SPAG16: variants seen among roughly 807,000 people sequenced by gnomAD.
The protein encoded by SPAG16 is sperm-associated antigen 16 protein.
Under a neutral mutation model 80.4 loss-of-function variants are expected in SPAG16, and 86 were observed. The observed-to-expected ratio is 1.07, with a 90% CI of 0.90 to 1.28. SPAG16 has a LOEUF of 1.28. Ranked by LOEUF, SPAG16 falls within the 50% of genes most tolerant of loss-of-function variation. The pLI is 0.00. For synonymous variants in SPAG16, 294 were observed against 265.9 expected (o/e 1.11, Z -1.03); for missense variants, 870 against 765.3 (o/e 1.14, Z -1.61).
intron 15 of SPAG16, among the ~76,000 whole-genome samples, chr2:214,179,677 G>A (rs2057247357): frequency 6.6e-6 from 1 of 151,508 alleles, no homozygotes. Flanking sequence ...AGATATGAAT[G>A]TGCTTAGATA....
intron 12 of SPAG16, among the ~76,000 whole-genome samples, chr2:213,976,335 C>CAT (rs60963174): frequency 0.076 from 11,356 of 150,186 alleles, 838 homozygotes; most frequent in African/African-American, 0.19. Context: ...CATGTGTGCA[C>CAT]ATATATATAT....
At chr2:214,282,638 T>C (rs948609091) in intron 15 of SPAG16, among the ~76,000 whole-genome samples, 1 of 152,184 alleles carries the variant, frequency 6.6e-6, no homozygotes, top group East Asian at 1.9e-4. Flanking sequence ...TAATTTTTGA[T>C]TAATTTTTTT....
At chr2:213,423,042 A>C (rs181552676) in intron 9 of SPAG16, among the ~76,000 whole-genome samples, 3 of 152,136 alleles carry the variant, frequency 2.0e-5, no homozygotes, top group Admixed American at 6.5e-5. Flanking sequence ...TTATTGACTT[A>C]TTTTCTCACA....
chr2:214,129,712 C>A (rs763439025), intron 14 of SPAG16, among the ~76,000 whole-genome samples: 5 of 152,028 alleles, frequency 3.3e-5, no homozygotes, highest in Admixed American at 1.3e-4. Context: ...TTTCTCAAGA[C>A]TTTACTTTTC....
At chr2:213,956,564 C>T (rs1168861209) in intron 12 of SPAG16, among the ~76,000 whole-genome samples, 3 of 151,418 alleles carry the variant, frequency 2.0e-5, no homozygotes, top group African/African-American at 7.3e-5. Flanking sequence ...TCTCCTGCCT[C>T]AGCCTCCCGA....
intron 9 of SPAG16, among the ~76,000 whole-genome samples, chr2:213,426,309 T>C (rs949454397): frequency 2.0e-5 from 3 of 152,022 alleles, no homozygotes; most frequent in African/African-American, 7.2e-5. Flanking sequence ...TTCTTACTTT[T>C]TGGATTTTTT....
chr2:213,761,130 A>G (rs1313839252), intron 10 of SPAG16, among the ~76,000 whole-genome samples: 1 of 152,260 alleles, frequency 6.6e-6, no homozygotes, highest in African/African-American at 2.4e-5. Context: ...ATAAAACCAG[A>G]AAAAGTTACA....
At chr2:213,317,637 ATGGTT>A (rs996060569) in intron 5 of SPAG16, 18 of 1,046,864 alleles carry the variant, frequency 1.7e-5, no homozygotes, top group Non-Finnish European at 2.1e-5. Flanking sequence ...TAGTCTTTTC[ATGGTT>A]TATAACATTT....
chr2:213,874,330 T>C (rs186248112), intron 11 of SPAG16, among the ~76,000 whole-genome samples: 2 of 152,326 alleles, frequency 1.3e-5, no homozygotes, highest in Admixed American at 1.3e-4. Context: ...TTTTTGATTA[T>C]TTTGTTAACA....
chr2:213,289,086 T>C (rs1467223741), intron 1 of SPAG16, among the ~76,000 whole-genome samples: 1 of 152,228 alleles, frequency 6.6e-6, no homozygotes, highest in Non-Finnish European at 1.5e-5. Flanking sequence ...TGGGGAGCTT[T>C]AAATAAATAT....
chr2:213,625,981 C>CA (rs2061948532), intron 10 of SPAG16, among the ~76,000 whole-genome samples: 1 of 152,140 alleles, frequency 6.6e-6, no homozygotes, highest in African/African-American at 2.4e-5. Context: ...TGAGCCACCA[C>CA]ACCCGGCCTC....
chr2:213,376,904 T>G (rs1197128143), intron 9 of SPAG16, among the ~76,000 whole-genome samples: 1 of 152,190 alleles, frequency 6.6e-6, no homozygotes, highest in African/African-American at 2.4e-5. Flanking sequence ...TGCATAGGAC[T>G]GTATTTAAAG....
intron 5 of SPAG16, among the ~76,000 whole-genome samples, chr2:213,338,052 T>C (rs112409377): frequency 0.024 from 3,631 of 152,214 alleles, 62 homozygotes; most frequent in African/African-American, 0.039. Flanking sequence ...CAGAAGATAG[T>C]GGGGGCCAAT....
At chr2:214,268,384 G>A (rs1030254208) in intron 15 of SPAG16, among the ~76,000 whole-genome samples, 1 of 151,794 alleles carries the variant, frequency 6.6e-6, no homozygotes, top group Admixed American at 6.6e-5. Flanking sequence ...CAATAGTCAC[G>A]ATATGGAAAC....
chr2:214,344,146 A>G (rs1381418992), intron 15 of SPAG16, among the ~76,000 whole-genome samples: 1 of 152,156 alleles, frequency 6.6e-6, no homozygotes, highest in Non-Finnish European at 1.5e-5. Context: ...TATGTATTGG[A>G]AAAAGGAGGT....
intron 3 of SPAG16, among the ~76,000 whole-genome samples, chr2:213,299,539 A>C (rs1398179564): frequency 6.6e-6 from 1 of 151,912 alleles, no homozygotes; most frequent in African/African-American, 2.4e-5. Context: ...CAGCCTCCCA[A>C]AGTGCTGGGA....
chr2:213,993,263 C>T (rs1273691524), intron 12 of SPAG16, among the ~76,000 whole-genome samples: 1 of 152,096 alleles, frequency 6.6e-6, no homozygotes, highest in Non-Finnish European at 1.5e-5. Flanking sequence ...CATAATTCAC[C>T]CTTTTCAGAC....
intron 10 of SPAG16, among the ~76,000 whole-genome samples, chr2:213,640,713 T>C (rs1274175392): frequency 1.3e-5 from 2 of 152,202 alleles, no homozygotes; most frequent in South Asian, 2.1e-4. Flanking sequence ...ACTGTCTTTT[T>C]TGAATGCTGG....
chr2:214,081,591 G>A (rs965879904), intron 13 of SPAG16, among the ~76,000 whole-genome samples: 12 of 152,152 alleles, frequency 7.9e-5, no homozygotes, highest in African/African-American at 1.2e-4. Flanking sequence ...GAAACTAACA[G>A]AGAGACATAA....
Sources: gnomAD v4.1 joint callset for allele counts (sites outside exome capture counted in the v4.1 genomes callset) on GRCh38, gnomAD v4.1.1 for gene constraint, MANE v1.5 for transcripts, NCBI Gene and HGNC (gene_info 2026-07-23, HGNC 2026-07-21) for gene names.